The following ADGRL2 variants were observed in gnomAD, a reference collection of about 807,000 sequenced individuals.
ADGRL2 encodes adhesion G protein-coupled receptor L2.
A neutral mutation model predicts 157.4 loss-of-function variants in ADGRL2; 44 were observed. That is an observed-to-expected ratio of 0.28 (90% CI 0.22 to 0.36). The LOEUF (loss-of-function observed/expected upper bound fraction) is 0.36, where lower values mean the gene tolerates loss of function less well. Among genes scored for constraint, ADGRL2 ranks in the 10% least tolerant of loss-of-function variants. The pLI, the probability that ADGRL2 is intolerant of heterozygous loss-of-function variation, is 1.00. For missense variants in ADGRL2, 1,510 were observed against 1,768.9 expected, an observed-to-expected ratio of 0.85 and a Z score of 2.63; for synonymous variants, 585 against 624.7, an observed-to-expected ratio of 0.94 and a Z score of 0.95.
intron 1 of ADGRL2, among the ~76,000 whole-genome samples, chr1:81,424,250 G>A (rs1173498334): frequency 6.6e-6 from 1 of 152,216 alleles, no homozygotes; most frequent in Non-Finnish European, 1.5e-5. Flanking sequence ...CCCGACAGCT[G>A]TATCTGTTGA....
chr1:81,584,597 G>C (rs970864862), intron 3 of ADGRL2, among the ~76,000 whole-genome samples: 1 of 152,108 alleles, frequency 6.6e-6, no homozygotes, highest in Admixed American at 6.6e-5. Context: ...ATTAATCAAA[G>C]TTAGGGCTGT....
intron 1 of ADGRL2, among the ~76,000 whole-genome samples, chr1:81,408,442 G>A (rs562495207): frequency 6.6e-6 from 1 of 152,214 alleles, no homozygotes; most frequent in South Asian, 2.1e-4. Context: ...TTTTGTGTCT[G>A]AGGAAAATAC....
chr1:81,645,396 C>CAAAAAAAAAAAAAAAAAAAAAAAAA (rs374061248), intron 3 of ADGRL2, among the ~76,000 whole-genome samples: 1 of 94,864 alleles, frequency 1.1e-5, no homozygotes, highest in Non-Finnish European at 1.9e-5. Context: ...GATCCTGTCT[C>CAAAAAAAAAAAAAAAAAAAAAAAAA]AAAAAAAAAA....
At chr1:81,391,057 T>A (rs1399246393) in intron 1 of ADGRL2, among the ~76,000 whole-genome samples, 1 of 152,306 alleles carries the variant, frequency 6.6e-6, no homozygotes, top group African/African-American at 2.4e-5. Flanking sequence ...ACTACTGAGT[T>A]AGAAATTCAT....
intron 2 of ADGRL2, among the ~76,000 whole-genome samples, chr1:81,533,215 C>T (rs1010480561): frequency 1.3e-5 from 2 of 151,900 alleles, no homozygotes; most frequent in Non-Finnish European, 2.9e-5. Flanking sequence ...CCCGTCTCTA[C>T]TACAAATACA....
chr1:81,497,439 C>A (rs1474195832), intron 2 of ADGRL2, among the ~76,000 whole-genome samples: 1 of 151,818 alleles, frequency 6.6e-6, no homozygotes, highest in Non-Finnish European at 1.5e-5. Flanking sequence ...TTATGAGGTT[C>A]ATTCAAGGAT....
chr1:81,561,297 C>T (rs999846982), intron 2 of ADGRL2, among the ~76,000 whole-genome samples: 6 of 151,950 alleles, frequency 3.9e-5, no homozygotes, highest in Admixed American at 6.6e-5. Context: ...TTTTGTTCAC[C>T]GATATAACTC....
intron 3 of ADGRL2, among the ~76,000 whole-genome samples, chr1:81,619,993 G>T (rs1570656817): frequency 6.6e-6 from 1 of 152,064 alleles, no homozygotes; most frequent in East Asian, 1.9e-4. Flanking sequence ...TTTAGTAAAT[G>T]AATACATACA....
intron 3 of ADGRL2, among the ~76,000 whole-genome samples, chr1:81,931,357 T>C (rs1354502086): frequency 1.3e-5 from 2 of 152,222 alleles, no homozygotes; most frequent in East Asian, 1.9e-4. Context: ...ATTTTAGTTA[T>C]ATTTGGAATT....
rs575028825 is a variant in ADGRL2 at position 81,710,390 on chromosome 1, G to A, written c.-143+10582G>A. On this transcript the variant is annotated intron_variant, in intron 1 of 20. Transcript: ENST00000359929. ...CTATAATCACAGCACTTTGGGAGGC[G>A]GGCAGATCACTTGAGGCCAGGAGTT... Among the ~76,000 whole-genome samples the A allele has an allele frequency of 3.3e-5, 5 of 151,968 alleles. No individual in the cohort carries two copies. The South Asian group carries it at 8.3e-4, about 25-fold the overall frequency.
At chr1:81,876,862 A>G (rs182232067) in intron 2 of ADGRL2, among the ~76,000 whole-genome samples, 1 of 152,288 alleles carries the variant, frequency 6.6e-6, no homozygotes, top group East Asian at 1.9e-4. Flanking sequence ...GTGGAAGTTC[A>G]GCTTCAAAAA....
chr1:81,747,034 G>GTA (rs201073080), intron 1 of ADGRL2, among the ~76,000 whole-genome samples: 3 of 128,684 alleles, frequency 2.3e-5, no homozygotes, highest in Admixed American at 7.6e-5. Context: ...GTGTATATAC[G>GTA]TATATATATG....
chr1:81,329,801 A>G (rs569318311), intron 1 of ADGRL2, among the ~76,000 whole-genome samples: 38 of 152,290 alleles, frequency 2.5e-4, no homozygotes, highest in African/African-American at 8.7e-4. Flanking sequence ...AGAATCAGAG[A>G]GGAAAATTGC....
Position 81,929,352 on chromosome 1 carries a change from A to G in ADGRL2, c.288-7376A>G, listed in dbSNP as rs148737223. On this transcript the variant is annotated intron_variant, in intron 3 of 23. Transcript: ENST00000686636. ...GTGACGGGGAACGATGGGACAGTGA[A>G]GAAGTAATTTAAGGAAGAAAAGAAA... is the stretch of plus-strand genomic sequence containing the variant. Among the ~76,000 whole-genome samples the G allele has an allele frequency of 1.1e-3, 163 of 152,264 alleles. 1 individual carries two copies. Among genetic ancestry groups the G allele is most frequent in the African/African-American group, 3.8e-3 (156 of 41,562 alleles).
At chr1:81,737,179 T>C (rs2149206430) in intron 1 of ADGRL2, among the ~76,000 whole-genome samples, 1 of 152,256 alleles carries the variant, frequency 6.6e-6, no homozygotes, top group African/African-American at 2.4e-5. Flanking sequence ...CTAGTAATCT[T>C]TGTCATTGTA....
intron 3 of ADGRL2, among the ~76,000 whole-genome samples, chr1:81,685,259 A>C (rs1380208451): frequency 1.3e-5 from 2 of 152,186 alleles, no homozygotes; most frequent in African/African-American, 4.8e-5. Flanking sequence ...GATTCTACCA[A>C]TCTATGAGCA....
intron 1 of ADGRL2, among the ~76,000 whole-genome samples, chr1:81,355,226 G>T (rs1663192744): frequency 6.6e-6 from 1 of 152,060 alleles, no homozygotes; most frequent in Non-Finnish European, 1.5e-5. Flanking sequence ...GGGCTTGGTG[G>T]CATGTGCCTG....
chr1:81,682,919 G>A (rs2083150655), intron 3 of ADGRL2, among the ~76,000 whole-genome samples: 1 of 152,172 alleles, frequency 6.6e-6, no homozygotes, highest in Admixed American at 6.5e-5. Flanking sequence ...ATCACCTGAG[G>A]TCAGGTGCTC....
At chr1:81,558,562 T>C (rs2080367081) in intron 2 of ADGRL2, among the ~76,000 whole-genome samples, 1 of 152,198 alleles carries the variant, frequency 6.6e-6, no homozygotes, top group South Asian at 2.1e-4. Flanking sequence ...TTCCTTCATA[T>C]TCATTCTTCA....
Sources: allele counts gnomAD v4.1 joint callset (sites outside exome capture counted in the v4.1 genomes callset), GRCh38; gene constraint gnomAD v4.1.1; transcripts MANE v1.5; gene names NCBI Gene and HGNC (gene_info 2026-07-23, HGNC 2026-07-21).